The following NUP210L variants were observed in gnomAD, a reference collection of about 807,000 sequenced individuals.
NUP210L encodes the protein nucleoporin 210 like, also known as nuclear pore membrane glycoprotein 210-like.
In NUP210L, 74 loss-of-function variants were observed where a neutral mutation model predicts 208.5. That is an observed-to-expected ratio of 0.35 (90% CI 0.29 to 0.43). NUP210L has a LOEUF of 0.43. Among genes scored for constraint, NUP210L ranks in the 20% least tolerant of loss-of-function variants. The pLI is 1.00. For missense variants in NUP210L, 1,843 were observed against 2,289.4 expected, an observed-to-expected ratio of 0.81 and a Z score of 3.98; for synonymous variants, 780 against 816.9, an observed-to-expected ratio of 0.95 and a Z score of 0.77.
At chr1:154,004,661 C>A (rs1650406348) in intron 35 of NUP210L, among the ~76,000 whole-genome samples, 1 of 150,072 alleles carries the variant, frequency 6.7e-6, no homozygotes, top group Admixed American at 6.7e-5. Context: ...TCTTTTCTTT[C>A]TTTGAGACAG....
At chr1:154,055,492 C>A (rs989209437) in intron 23 of NUP210L, among the ~76,000 whole-genome samples, 1 of 152,078 alleles carries the variant, frequency 6.6e-6, no homozygotes. Context: ...CTCAGGTGAT[C>A]CACCTGCCTC....
intron 37 of NUP210L, among the ~76,000 whole-genome samples, chr1:153,997,500 C>G (rs952582452): frequency 8.9e-6 from 1 of 112,418 alleles, no homozygotes; most frequent in Non-Finnish European, 1.8e-5. Flanking sequence ...AACAGCCTTT[C>G]TTTCTCACTC....
chr1:154,075,930 C>T (rs1655008137), intron 16 of NUP210L, among the ~76,000 whole-genome samples: 1 of 151,838 alleles, frequency 6.6e-6, no homozygotes, highest in African/African-American at 2.4e-5. Context: ...GCTGAGACTA[C>T]AGGCATGCAC....
chr1:154,140,935 A>G (rs1388722026), intron 4 of NUP210L, among the ~76,000 whole-genome samples: 3 of 150,362 alleles, frequency 2.0e-5, no homozygotes, highest in Non-Finnish European at 3.0e-5. Context: ...CAGAGGTTGC[A>G]GTGAGCCAAG....
intron 33 of NUP210L, among the ~76,000 whole-genome samples, chr1:154,017,798 G>GT (rs1333858615): frequency 4.6e-5 from 7 of 151,992 alleles, no homozygotes; most frequent in African/African-American, 7.2e-5. Flanking sequence ...TTAGAGGCGT[G>GT]AGCCACGGCA....
At chr1:154,128,720 A>G (rs540136741) in intron 8 of NUP210L, among the ~76,000 whole-genome samples, 2 of 152,142 alleles carry the variant, frequency 1.3e-5, no homozygotes, top group South Asian at 4.2e-4. Context: ...ATGGTGGCGC[A>G]CCTGTAGTCC....
At chr1:154,155,044 T>G in exon 1 of NUP210L, 1 of 1,601,602 alleles carries the variant, frequency 6.2e-7, no homozygotes, top group Non-Finnish European at 8.5e-7. Context: ...CAGCCAGTCA[T>G]GGCGACTGCC....
At chr1:154,030,162 A>T in intron 27 of NUP210L, 108 bp from the exon 28 acceptor site, 7 of 744,894 alleles carry the variant, frequency 9.4e-6, no homozygotes, top group Non-Finnish European at 9.7e-6. Context: ...AAAAATAAAA[A>T]GTCAGGAAAG....
At chr1:154,043,450 G>T (rs1256843873) in intron 27 of NUP210L, among the ~76,000 whole-genome samples, 3 of 151,948 alleles carry the variant, frequency 2.0e-5, no homozygotes, top group African/African-American at 7.3e-5. Context: ...GCGTAGCTGG[G>T]ATTACAGGCA....
exon 7 of NUP210L, chr1:154,135,928 G>C (rs1658519215): frequency 1.2e-6 from 2 of 1,603,760 alleles, no homozygotes; most frequent in Non-Finnish European, 1.7e-6. Flanking sequence ...GCAACTCTAT[G>C]GTCTTGCAAT....
chr1:154,022,002 T>G, intron 32 of NUP210L, 124 bp downstream of exon 32: 1 of 871,802 alleles, frequency 1.1e-6, no homozygotes, highest in Non-Finnish European at 1.8e-6. Flanking sequence ...CCCAAAGGGC[T>G]GAGATTATGG....
chr1:153,995,071 T>C lies in NUP210L; in HGVS notation c.5491+5A>G. On this transcript the variant is annotated splice_donor_5th_base_variant and intron_variant, in intron 38 of 39. Transcript: ENST00000368559. ...AGTCTATGTTATTGAATATAAGGACTCTACCTAGGAAGATGGAAGCTGTTG... is the reference window on the plus strand; with the variant it reads ...AGTCTATGTTATTGAATATAAGGACCCTACCTAGGAAGATGGAAGCTGTTG... 6.4e-7 allele frequency: 1 copy of C among 1,561,570 alleles called. No individual in the cohort carries two copies. Among genetic ancestry groups the C allele is most frequent in the Non-Finnish European group, 8.8e-7 (1 of 1,136,292 alleles).
At chr1:154,103,085 T>TAATAAG (rs1656552820) in intron 13 of NUP210L, among the ~76,000 whole-genome samples, 1 of 151,246 alleles carries the variant, frequency 6.6e-6, no homozygotes, top group South Asian at 2.1e-4. Flanking sequence ...TCTCTAATAA[T>TAATAAG]AATAATAATA....
intron 35 of NUP210L, among the ~76,000 whole-genome samples, chr1:154,008,208 CAT>C (rs1358532279): frequency 6.6e-6 from 1 of 151,982 alleles, no homozygotes; most frequent in Non-Finnish European, 1.5e-5. Context: ...AAGTCACAAA[CAT>C]ATATGTGTCT....
chr1:154,004,858 T>TTTC (rs1650422233), intron 35 of NUP210L, among the ~76,000 whole-genome samples: 1 of 145,076 alleles, frequency 6.9e-6, no homozygotes, highest in Non-Finnish European at 1.5e-5. Context: ...TTCTTTCTTT[T>TTTC]TTTTTTTTTT....
intron 12 of NUP210L, among the ~76,000 whole-genome samples, chr1:154,106,430 G>A (rs1656765805): frequency 6.6e-6 from 1 of 152,306 alleles, no homozygotes; most frequent in East Asian, 1.9e-4. Flanking sequence ...CTGGTGAGGA[G>A]CTTCCCATCC....
chr1:154,052,799 G>C lies in NUP210L; in HGVS notation c.3483+1429C>G, dbSNP rs1335223338. Among the ~76,000 whole-genome samples the C allele has an allele frequency of 2.0e-5, 3 of 152,240 alleles. No individual in the cohort carries two copies. In the East Asian group the frequency reaches 5.8e-4, roughly 29 times the overall value. On this transcript the variant is annotated intron_variant, in intron 25 of 39. Transcript: ENST00000368559. ...ACTTGTTTGGGAAGATTGCACTGCA[G>C]AACAGGCAGAGATGCTGCACAGTCA...
intron 34 of NUP210L, among the ~76,000 whole-genome samples, chr1:154,011,130 C>T (rs1412935264): frequency 6.6e-6 from 1 of 151,672 alleles, no homozygotes; most frequent in Non-Finnish European, 1.5e-5. Context: ...ATCAAAGGGA[C>T]TGATGCATGA....
chr1:154,090,190 G>A (rs1471029989), intron 15 of NUP210L, among the ~76,000 whole-genome samples: 1 of 151,208 alleles, frequency 6.6e-6, no homozygotes, highest in Non-Finnish European at 1.5e-5. Flanking sequence ...ACCAGCTTGA[G>A]CAACATAGTG....
Sources: allele counts gnomAD v4.1 joint callset (sites outside exome capture counted in the v4.1 genomes callset), GRCh38; gene constraint gnomAD v4.1.1; transcripts MANE v1.5; gene names NCBI Gene and HGNC (gene_info 2026-07-23, HGNC 2026-07-21).